MIGA2: variants seen among roughly 807,000 people sequenced by gnomAD.
MIGA2 encodes the protein mitoguardin 2, also known as family with sequence similarity 73, member B.
Under a neutral mutation model 69.9 loss-of-function variants are expected in MIGA2, and 36 were observed. That is an observed-to-expected ratio of 0.52 (90% CI 0.39 to 0.68). The LOEUF is 0.68. MIGA2 is among the 30% of genes least tolerant of loss of function. MIGA2 has a pLI of 0.00. For synonymous variants in MIGA2, 333 were observed against 349.2 expected, an observed-to-expected ratio of 0.95 and a Z score of 0.52; for missense variants, 660 against 787.7, an observed-to-expected ratio of 0.84 and a Z score of 1.94.
chr9:129,069,109 G>A lies in MIGA2; in HGVS notation c.1438G>A (p.Ala480Thr). The A allele has an allele frequency of 6.2e-7, 1 of 1,614,020 alleles. No homozygotes were observed. Among genetic ancestry groups the A allele is most frequent in the Non-Finnish European group, 8.5e-7 (1 of 1,179,974 alleles). Residue 480 changes from alanine (A) to threonine (T), a missense_variant, in exon 14 of 16, where the codon GCC (alanine) becomes ACC (threonine). Around this residue, in one of 3 missense-constraint regions of MIGA2, gnomAD observed 220 missense variants for 301.7 expected, o/e 0.73. Transcript: ENST00000684074. The surrounding 1 kb of genome is among the most constrained non-coding windows in gnomAD (Gnocchi z 4.9). Reference sequence around the variant, plus strand: ...CACTGCTTGCTGGTCGGTCCTGAAAGCCAAGAGGAGGCTGCTGATGGTGAG... The same window carrying A: ...CACTGCTTGCTGGTCGGTCCTGAAAACCAAGAGGAGGCTGCTGATGGTGAG... ...LATACWSVLK[A>T]KRRLLMVPDG... is the part of the protein sequence containing the mutation.
Position 129,061,197 on chromosome 9 carries a change from C to T in MIGA2, c.895-34C>T, listed in dbSNP as rs1212150111. 6 of 1,575,282 alleles carry T rather than the reference C, an allele frequency of 3.8e-6. No individual in the cohort carries two copies. The highest frequency in any genetic ancestry group is 3.5e-6 in the Non-Finnish European group (4 of 1,154,004). On this transcript the variant is annotated intron_variant, in intron 8 of 15. Coordinates refer to ENST00000684074, the MANE Select transcript of MIGA2 (RefSeq NM_001329990.2). The surrounding 1 kb of genome is among the most constrained non-coding windows in gnomAD (Gnocchi z 5.0). ...CGCCGTGGCGTGCTGCTCACATGGG[C>T]TTCCCTGGTCTCTTCCTCTGCACCC... is the stretch of plus-strand genomic sequence containing the variant.
At chr9:129,055,063 TG>T (rs1845724064) in intron 6 of MIGA2, among the ~76,000 whole-genome samples, 1 of 150,480 alleles carries the variant, frequency 6.6e-6, no homozygotes, top group Admixed American at 6.6e-5. Context: ...GGCTAATTTT[TG>T]TATTTTTTTT....
chr9:129,067,956 A>G, intron 12 of MIGA2, 85 bp downstream of exon 12: 1 of 1,464,374 alleles, frequency 6.8e-7, no homozygotes, highest in South Asian at 1.2e-5. Flanking sequence ...GCTCTAGCTC[A>G]GTTCCAAGCG....
intron 11 of MIGA2, among the ~76,000 whole-genome samples, chr9:129,063,981 A>G (rs1001438131): frequency 5.3e-5 from 8 of 152,148 alleles, no homozygotes; most frequent in Admixed American, 2.6e-4. Flanking sequence ...GTTCACCATC[A>G]CAGACAACAC....
intron 1 of MIGA2, chr9:129,036,988 GGCCGTGAGCGGCGCCAGAGGGTA>G: frequency 9.0e-6 from 9 of 1,002,920 alleles, no homozygotes; most frequent in Non-Finnish European, 1.1e-5. Flanking sequence ...CAGGCGTGCG[GGCCGTGAGCGGCGCCAGAGGGTA>G]CCTGGGTGAG....
At chr9:129,041,590 C>G (rs1233904723) in intron 2 of MIGA2, among the ~76,000 whole-genome samples, 1 of 152,226 alleles carries the variant, frequency 6.6e-6, no homozygotes, top group African/African-American at 2.4e-5. Flanking sequence ...CTACCTTGGC[C>G]TCCTAAAGTG....
At chr9:129,050,254 A>G (rs1845450850) in intron 6 of MIGA2, among the ~76,000 whole-genome samples, 1 of 151,384 alleles carries the variant, frequency 6.6e-6, no homozygotes, top group Admixed American at 6.6e-5. Context: ...GGTTGGCTGC[A>G]TTGCCTGGCC....
At chr9:129,049,520 G>C in intron 5 of MIGA2, 22 bp downstream of exon 5, 1 of 1,607,048 alleles carries the variant, frequency 6.2e-7, no homozygotes, top group Middle Eastern at 1.7e-4. Context: ...AGGTGCCTCA[G>C]CTTCGAGGGC....
intron 1 of MIGA2, chr9:129,037,054 A>G: frequency 1.0e-6 from 1 of 1,002,508 alleles, no homozygotes; most frequent in Non-Finnish European, 1.2e-6. Context: ...GGGCAAGAGA[A>G]GAAGGGGCTG....
In MIGA2 at chr9:129,060,271, G is replaced by C. The variant is rs1255879870; in HGVS notation, c.794-279G>C. On this transcript the variant is annotated intron_variant, in intron 7 of 15. Transcript: ENST00000684074. This position sits in a 1 kb window ranked among gnomAD's most constrained non-coding sequence, Gnocchi z 4.8. ...GGCCTCAGGTCCAGCGGTGCAACCTGTGAGCCTGGCAGAGCCGCTCACCAG... is the reference window on the plus strand; with the variant it reads ...GGCCTCAGGTCCAGCGGTGCAACCTCTGAGCCTGGCAGAGCCGCTCACCAG... Among the ~76,000 whole-genome samples the C allele has an allele frequency of 1.3e-5, 2 of 152,196 alleles. No homozygotes were observed. Among genetic ancestry groups the C allele is most frequent in the Non-Finnish European group, 2.9e-5 (2 of 68,040 alleles).
At position 129,061,341 on chromosome 9, in the gene MIGA2, C is replaced by A; in HGVS notation, c.1005C>A (p.Thr335=). Residue 335 remains threonine (T), a synonymous_variant, in exon 9 of 16, where the codon ACC becomes ACA. Coordinates refer to ENST00000684074, the MANE Select transcript of MIGA2 (RefSeq NM_001329990.2). The surrounding 1 kb of genome is among the most constrained non-coding windows in gnomAD (Gnocchi z 5.0). ...LVKEGRVPCR[T]LRTELLGCYS... is the part of the protein sequence containing the mutation. ...AGGAGGGGAGAGTGCCTTGCCGGAC[C>A]CTCAGGTGAGCAGGTGTGGAGGGAG... is the stretch of plus-strand genomic sequence containing the variant. 2 of 1,610,072 alleles carry A rather than the reference C, an allele frequency of 1.2e-6. No individual in the cohort carries two copies. Among genetic ancestry groups the A allele is most frequent in the Non-Finnish European group, 1.7e-6 (2 of 1,178,702 alleles).
chr9:129,065,839 T>C (rs1846312313), intron 11 of MIGA2, among the ~76,000 whole-genome samples: 1 of 149,076 alleles, frequency 6.7e-6, no homozygotes. Context: ...ACTCATCCCC[T>C]GAGGCCCGAG....
chr9:129,071,615 A>G lies in MIGA2; in HGVS notation c.*1162A>G, dbSNP rs1352724539. The G allele has an allele frequency of 2.6e-5, 4 of 151,966 alleles. No individual in the cohort carries two copies. The highest frequency in any genetic ancestry group is 5.9e-5 in the Non-Finnish European group (4 of 67,942). The allele number at this position is 151,966 out of a possible 1,614,324, so 9.4% of individuals were successfully genotyped here. ...GGTCAGAGGACTGGCTCCTGTGACC[A>G]GGGCCCCTCTCCCCTGAATGGGAAA... is the stretch of plus-strand genomic sequence containing the variant. On this transcript the variant is annotated 3_prime_UTR_variant, in exon 16 of 16. Coordinates refer to ENST00000684074, the MANE Select transcript of MIGA2 (RefSeq NM_001329990.2).
chr9:129,057,323 G>A (rs572548597), intron 6 of MIGA2, among the ~76,000 whole-genome samples: 5 of 151,786 alleles, frequency 3.3e-5, no homozygotes, highest in South Asian at 4.2e-4. Flanking sequence ...ATGGAGTCTC[G>A]CTCTGTTGCC....
At chr9:129,038,972 T>C (rs548871458) in intron 1 of MIGA2, among the ~76,000 whole-genome samples, 1 of 151,538 alleles carries the variant, frequency 6.6e-6, no homozygotes, top group East Asian at 2.0e-4. Context: ...TTTTTGTATT[T>C]TTAGTAGAGA....
rs370004813 is a variant in MIGA2 at position 129,042,533 on chromosome 9, G to A, written c.307+19G>A. 767 of 1,544,358 alleles carry A rather than the reference G, an allele frequency of 5.0e-4. No individual in the cohort carries two copies. The highest frequency in any genetic ancestry group is 6.2e-4 in the Non-Finnish European group (716 of 1,147,732). On this transcript the variant is annotated intron_variant, in intron 3 of 15. Transcript: ENST00000684074. Reference sequence around the variant, plus strand: ...AAGAAAGGTAGGTGTGAGGTGGTGGGCATAGGCCTGACCTGAGGTCACATC... The same window carrying A: ...AAGAAAGGTAGGTGTGAGGTGGTGGACATAGGCCTGACCTGAGGTCACATC...
At chr9:129,043,436 C>T (rs1845032820) in intron 3 of MIGA2, among the ~76,000 whole-genome samples, 1 of 144,314 alleles carries the variant, frequency 6.9e-6, no homozygotes, top group Admixed American at 7.2e-5. Flanking sequence ...ACCCAGTCTG[C>T]AGGGCAGTGG....
intron 6 of MIGA2, among the ~76,000 whole-genome samples, chr9:129,057,576 C>A (rs1845860828): frequency 6.6e-6 from 1 of 151,446 alleles, no homozygotes; most frequent in Non-Finnish European, 1.5e-5. Context: ...CTGGTGTGAG[C>A]CATTGTGCCT....
In MIGA2 at chr9:129,060,361, A is replaced by C. The variant is rs1279358496; in HGVS notation, c.794-189A>C. 9 of 538,956 alleles carry C rather than the reference A, an allele frequency of 1.7e-5. No individual in the cohort carries two copies. Among genetic ancestry groups the C allele is most frequent in the Non-Finnish European group, 3.0e-5 (9 of 301,508 alleles). The allele number at this position is 538,956 out of a possible 1,614,324, so 33.4% of individuals were successfully genotyped here. On this transcript the variant is annotated intron_variant, in intron 7 of 15. Coordinates refer to ENST00000684074, the MANE Select transcript of MIGA2 (RefSeq NM_001329990.2). The surrounding 1 kb of genome is among the most constrained non-coding windows in gnomAD (Gnocchi z 4.8). ...TCGTGGGTGTTGAAGGAGGTCACTCACTGAGGCGAGGAGTCCAGCGTCCTC... is the reference window on the plus strand; with the variant it reads ...TCGTGGGTGTTGAAGGAGGTCACTCCCTGAGGCGAGGAGTCCAGCGTCCTC...
Sources: allele counts gnomAD v4.1 joint callset (sites outside exome capture counted in the v4.1 genomes callset), GRCh38; gene constraint gnomAD v4.1.1; regional missense constraint gnomAD v4.1.1; non-coding constraint Gnocchi (gnomAD v3.1); transcripts MANE v1.5; gene names NCBI Gene and HGNC (gene_info 2026-07-23, HGNC 2026-07-21).